Variants in XKR4 observed in about 807,000 individuals in gnomAD.
The protein encoded by XKR4 is XK related 4.
Under a neutral mutation model 53.9 loss-of-function variants are expected in XKR4, and 12 were observed. The ratio of observed to expected loss-of-function variants is 0.22; its 90% CI spans 0.14 to 0.36. XKR4 has a LOEUF of 0.36. Ranked by LOEUF, XKR4 falls within the 10% of genes least tolerant of loss-of-function variation. The pLI is 1.00. For synonymous variants in XKR4, 354 were observed against 362.4 expected, an observed-to-expected ratio of 0.98 and a Z score of 0.26; for missense variants, 799 against 859.5, an observed-to-expected ratio of 0.93 and a Z score of 0.88.
At chr8:55,152,708 T>C (rs1214503055) in intron 1 of XKR4, among the ~76,000 whole-genome samples, 1 of 152,208 alleles carries the variant, frequency 6.6e-6, no homozygotes, top group African/African-American at 2.4e-5. Flanking sequence ...GATTAAAAAG[T>C]AGAGGGAAAA....
rs1806869811 is a variant in XKR4 at position 55,525,436 on chromosome 8, A to G, written c.*1209A>G. 6.5e-6 allele frequency: 1 copy of G among 152,682 alleles called. No individual in the cohort carries two copies. Among genetic ancestry groups the G allele is most frequent in the South Asian group, 2.1e-4 (1 of 4,830 alleles). 9.5% of individuals were successfully genotyped at this position (152,682 alleles called of 1,614,324 possible). A position where few individuals can be genotyped will look rare whatever the true frequency, so the allele number is the denominator to read the frequency against. ...AGAGGCTTTGGGACACTTTTTAGTA[A>G]GTATGAGCAGACAAATGCAATGAAT... On this transcript the variant is annotated 3_prime_UTR_variant, in exon 3 of 3. Transcript: ENST00000327381.
Position 55,524,280 on chromosome 8 carries a change from G to A in XKR4, c.*53G>A. Reference sequence around the variant, plus strand: ...ATCCAGATGAAGGGGTGACAGCAGGGCTGTGGCCATAATGACACTTCATCC... The same window carrying A: ...ATCCAGATGAAGGGGTGACAGCAGGACTGTGGCCATAATGACACTTCATCC... On this transcript the variant is annotated 3_prime_UTR_variant, in exon 3 of 3. Transcript: ENST00000327381. The A allele has an allele frequency of 6.5e-7, 1 of 1,532,636 alleles. No homozygotes were observed. The allele number at this position is 1,532,636 out of a possible 1,614,324, so 94.9% of individuals were successfully genotyped here.
intron 1 of XKR4, among the ~76,000 whole-genome samples, chr8:55,179,013 G>A (rs971721815): frequency 2.0e-5 from 3 of 152,178 alleles, no homozygotes; most frequent in African/African-American, 7.2e-5. Flanking sequence ...GAATGATAGT[G>A]AGAACCTGTT....
chr8:55,195,565 T>G (rs551624509), intron 1 of XKR4, among the ~76,000 whole-genome samples: 12 of 152,194 alleles, frequency 7.9e-5, no homozygotes, highest in African/African-American at 2.9e-4. Context: ...AATATCTAGT[T>G]TTTTAAAAAC....
At chr8:55,193,349 C>T (rs951443389) in intron 1 of XKR4, among the ~76,000 whole-genome samples, 3 of 152,058 alleles carry the variant, frequency 2.0e-5, no homozygotes, top group Middle Eastern at 3.2e-3. Context: ...TCTTCCCTCC[C>T]CAGGTCTCTC....
At position 55,271,635 on chromosome 8, in the gene XKR4, C is replaced by G. The variant is rs563118946; in HGVS notation, c.807-86043C>G. 3.2e-4 allele frequency among the ~76,000 whole-genome samples: 49 copies of G among 152,342 alleles called. No individual in the cohort carries two copies. In the South Asian group the frequency reaches 7.2e-3, roughly 23 times the overall value. On this transcript the variant is annotated intron_variant, in intron 1 of 2. Coordinates refer to ENST00000327381, the MANE Select transcript of XKR4 (RefSeq NM_052898.2). ...AGAAACAAATGGCTCCAGGTGTGCCCTGATGGCGGCTGATGGCCAGGGGCA... is the reference window on the plus strand; with the variant it reads ...AGAAACAAATGGCTCCAGGTGTGCCGTGATGGCGGCTGATGGCCAGGGGCA...
At position 55,524,720 on chromosome 8, in the gene XKR4, G is replaced by A. The variant is rs1275847393; in HGVS notation, c.*493G>A. On this transcript the variant is annotated 3_prime_UTR_variant, in exon 3 of 3. Transcript: ENST00000327381. The stretch of plus-strand genomic sequence containing the variant: ...AGGAATATAAAAACAAAGAAAGAGG[G>A]AAACATCCCTCGAGAAAAAAAATAG... 2.0e-5 allele frequency: 3 copies of A among 153,176 alleles called. No homozygotes were observed. In the Admixed American group the frequency reaches 2.0e-4, roughly 10 times the overall value. 9.5% of individuals were successfully genotyped at this position (153,176 alleles called of 1,614,324 possible). A position where few individuals can be genotyped will look rare whatever the true frequency, so the allele number is the denominator to read the frequency against.
chr8:55,307,413 A>G (rs564437165), intron 1 of XKR4, among the ~76,000 whole-genome samples: 1 of 152,284 alleles, frequency 6.6e-6, no homozygotes, highest in South Asian at 2.1e-4. Flanking sequence ...ATACTTTGGG[A>G]GGCCAAGGAG....
intron 2 of XKR4, among the ~76,000 whole-genome samples, chr8:55,481,106 A>G (rs1245254703): frequency 6.6e-6 from 1 of 152,238 alleles, no homozygotes; most frequent in Non-Finnish European, 1.5e-5. Flanking sequence ...TCCTAAGCCA[A>G]AAGAACAAAG....
At chr8:55,239,150 G>A (rs1818173566) in intron 1 of XKR4, among the ~76,000 whole-genome samples, 2 of 152,096 alleles carry the variant, frequency 1.3e-5, no homozygotes. Context: ...TTAATTTATT[G>A]TTGCAGTGAT....
Position 55,535,167 on chromosome 8 carries a change from G to A in XKR4, c.*10940G>A, listed in dbSNP as rs1807013004. 6.6e-6 allele frequency: 1 copy of A among 151,528 alleles called. No individual in the cohort carries two copies. Among genetic ancestry groups the A allele is most frequent in the African/African-American group, 2.4e-5 (1 of 41,236 alleles). 9.4% of individuals were successfully genotyped at this position (151,528 alleles called of 1,614,324 possible). On this transcript the variant is annotated 3_prime_UTR_variant, in exon 3 of 3. Coordinates refer to ENST00000327381, the MANE Select transcript of XKR4 (RefSeq NM_052898.2). ...AGAACTAGCTCTTGGCGCAAGCCCT[G>A]AAATAAAATGGGGACAAAAAGTGGT... is the stretch of plus-strand genomic sequence containing the variant.
intron 2 of XKR4, among the ~76,000 whole-genome samples, chr8:55,519,475 C>A (rs1806767503): frequency 6.6e-6 from 1 of 152,108 alleles, no homozygotes; most frequent in African/African-American, 2.4e-5. Context: ...ATTAGGAACA[C>A]CTTTTTTTTT....
At chr8:55,192,604 A>C (rs1817458627) in intron 1 of XKR4, among the ~76,000 whole-genome samples, 1 of 152,134 alleles carries the variant, frequency 6.6e-6, no homozygotes, top group South Asian at 2.1e-4. Context: ...CCTGAGGGAG[A>C]ATTCCAGATT....
chr8:55,419,406 C>T (rs1804894111), intron 2 of XKR4, among the ~76,000 whole-genome samples: 1 of 152,202 alleles, frequency 6.6e-6, no homozygotes, highest in Non-Finnish European at 1.5e-5. Context: ...CATGACACAA[C>T]ACCTCATTGG....
chr8:55,429,339 A>G (rs1234181738), intron 2 of XKR4, among the ~76,000 whole-genome samples: 1 of 152,226 alleles, frequency 6.6e-6, no homozygotes, highest in African/African-American at 2.4e-5. Flanking sequence ...GATAATACTG[A>G]TGAAAACCTT....
At chr8:55,397,260 A>G (rs563012030) in intron 2 of XKR4, among the ~76,000 whole-genome samples, 6 of 152,366 alleles carry the variant, frequency 3.9e-5, no homozygotes, top group African/African-American at 1.4e-4. Flanking sequence ...TGCGTAAATA[A>G]TATGAGTAGT....
chr8:55,266,104 G>A (rs1343500304), intron 1 of XKR4, among the ~76,000 whole-genome samples: 1 of 152,042 alleles, frequency 6.6e-6, no homozygotes, highest in African/African-American at 2.4e-5. Context: ...GTTGCAGTGA[G>A]CTATGATTGT....
intron 2 of XKR4, among the ~76,000 whole-genome samples, chr8:55,415,590 A>G (rs75159409): frequency 0.12 from 18,081 of 152,162 alleles, 2,810 homozygotes; most frequent in African/African-American, 0.36. Flanking sequence ...CAGGAAACCC[A>G]TGTCTCCTTT....
In XKR4 at chr8:55,358,821, T is replaced by A. The variant is rs73589720; in HGVS notation, c.1006+944T>A. On this transcript the variant is annotated intron_variant, in intron 2 of 2. Coordinates refer to ENST00000327381, the MANE Select transcript of XKR4 (RefSeq NM_052898.2). ...GCACATGCTGCTCCCTTGTGCTGGG[T>A]CATGCTCCAATTTGAGTTTTGTTCT... is the stretch of plus-strand genomic sequence containing the variant. Among the ~76,000 whole-genome samples the A allele has an allele frequency of 6.3e-3, 964 of 152,356 alleles. 13 individuals are homozygous for A. Among genetic ancestry groups the A allele is most frequent in the African/African-American group, 0.022 (916 of 41,590 alleles).
Sources: gnomAD v4.1 joint callset for allele counts (sites outside exome capture counted in the v4.1 genomes callset) on GRCh38, gnomAD v4.1.1 for gene constraint, MANE v1.5 for transcripts, NCBI Gene and HGNC (gene_info 2026-07-23, HGNC 2026-07-21) for gene names.